Variants in PPP2R5C observed in about 807,000 individuals in gnomAD.
PPP2R5C encodes protein phosphatase 2 regulatory subunit B'gamma.
In PPP2R5C, 7 loss-of-function variants were observed where a neutral mutation model predicts 68.9. The observed-to-expected ratio is 0.10, with a 90% CI of 0.06 to 0.19. PPP2R5C has a LOEUF of 0.19. PPP2R5C is among the 10% of genes least tolerant of loss of function. The pLI, the probability that PPP2R5C is intolerant of heterozygous loss-of-function variation, is 1.00. For missense variants in PPP2R5C, 348 were observed against 641.3 expected (o/e 0.54, Z 4.94); for synonymous variants, 210 against 222.2 (o/e 0.95, Z 0.49).
intron 1 of PPP2R5C, among the ~76,000 whole-genome samples, chr14:101,823,046 AAGG>A (rs905961288): frequency 2.7e-4 from 41 of 152,344 alleles, no homozygotes; most frequent in African/African-American, 9.6e-4. Flanking sequence ...TATTTGTAAA[AAGG>A]AGGAGAGCCT....
Position 101,781,405 on chromosome 14 carries a change from C to A in PPP2R5C, c.94-4613C>A, listed in dbSNP as rs1167159209. The stretch of plus-strand genomic sequence containing the variant: ...CCCCTGAGCCGCTAGGCTGCCAAGG[C>A]GCGCTGTGCGCGTGGGGCCAGGCTC... On this transcript the variant is annotated intron_variant, in intron 2 of 14. Transcript: ENST00000328724. This position sits in a 1 kb window ranked among gnomAD's most constrained non-coding sequence, Gnocchi z 6.4. 6.6e-6 allele frequency among the ~76,000 whole-genome samples: 1 copy of A among 152,174 alleles called. No homozygotes were observed. Among genetic ancestry groups the A allele is most frequent in the Non-Finnish European group, 1.5e-5 (1 of 68,002 alleles).
intron 9 of PPP2R5C, among the ~76,000 whole-genome samples, chr14:101,904,337 A>G (rs1200685612): frequency 6.6e-6 from 1 of 151,848 alleles, no homozygotes; most frequent in Non-Finnish European, 1.5e-5. Flanking sequence ...TTTAGTAGAG[A>G]CGGGATTTCA....
chr14:101,769,391 G>A (rs192350895), intron 2 of PPP2R5C, among the ~76,000 whole-genome samples: 2 of 152,174 alleles, frequency 1.3e-5, no homozygotes, highest in African/African-American at 4.8e-5. Flanking sequence ...TATATATTAG[G>A]GCCTAGAGTC....
At chr14:101,912,566 G>C in intron 12 of PPP2R5C, 93 bp downstream of exon 14, 3 of 1,404,400 alleles carry the variant, frequency 2.1e-6, no homozygotes, top group Non-Finnish European at 2.8e-6. Context: ...GGGGGGTCTC[G>C]ATTTCACTAA....
intron 9 of PPP2R5C, among the ~76,000 whole-genome samples, chr14:101,905,800 C>T (rs946904027): frequency 6.6e-6 from 1 of 152,170 alleles, no homozygotes; most frequent in Admixed American, 6.5e-5. Context: ...CAGCCAGCCC[C>T]GTGCTGACAA....
chr14:101,777,450 A>C (rs993647099), intron 2 of PPP2R5C, among the ~76,000 whole-genome samples: 9 of 151,910 alleles, frequency 5.9e-5, no homozygotes, highest in African/African-American at 1.9e-4. Flanking sequence ...CCTGGGTTCA[A>C]GCGATTCTCC....
chr14:101,925,479 G>A (rs1595574064), exon 14 of PPP2R5C: 1 of 819,404 alleles, frequency 1.2e-6, no homozygotes, highest in Non-Finnish European at 1.8e-6. Flanking sequence ...GCCGCGGGTT[G>A]ACGACGGTGT....
chr14:101,872,355 C>T (rs2043481929), intron 2 of PPP2R5C, among the ~76,000 whole-genome samples: 1 of 151,304 alleles, frequency 6.6e-6, no homozygotes, highest in African/African-American at 2.4e-5. Flanking sequence ...CCAACCCCAA[C>T]TCTGCCCCAG....
At chr14:101,811,324 G>T (rs1011913434) in intron 1 of PPP2R5C, among the ~76,000 whole-genome samples, 1 of 152,158 alleles carries the variant, frequency 6.6e-6, no homozygotes, top group Admixed American at 6.5e-5. Context: ...TAATTGTTTG[G>T]ATTTAAGTTA....
intron 13 of PPP2R5C, among the ~76,000 whole-genome samples, chr14:101,922,404 G>A (rs552442584): frequency 4.1e-4 from 62 of 151,682 alleles, no homozygotes; most frequent in Non-Finnish European, 6.5e-4. Context: ...CAGGAGAATC[G>A]CTTGAACCCA....
In PPP2R5C at chr14:101,857,758, CCA is replaced by C. The variant is rs750594307; in HGVS notation, c.294+883_294+884del. Among the ~76,000 whole-genome samples, 15 of 152,224 alleles carry C rather than the reference CCA, an allele frequency of 9.9e-5. No individual in the cohort carries two copies. In the East Asian group the frequency reaches 1.7e-3, roughly 18 times the overall value. ...TATCTGCCTTTGAAACTAGTACCCCCCACACACACACTTACTGGGGAGTCAGT... is the reference window on the plus strand; with the variant it reads ...TATCTGCCTTTGAAACTAGTACCCCCCACACACACTTACTGGGGAGTCAGT... On this transcript the variant is annotated intron_variant, in intron 2 of 13. Coordinates refer to ENST00000334743, the Ensembl canonical transcript of PPP2R5C.
chr14:101,768,402 T>G (rs2036968462), intron 2 of PPP2R5C, among the ~76,000 whole-genome samples: 1 of 152,230 alleles, frequency 6.6e-6, no homozygotes, highest in African/African-American at 2.4e-5. Flanking sequence ...GAGTTATATC[T>G]ATCTACCGAT....
chr14:101,827,507 G>A (rs2040468350), intron 1 of PPP2R5C, among the ~76,000 whole-genome samples: 1 of 152,168 alleles, frequency 6.6e-6, no homozygotes, highest in Non-Finnish European at 1.5e-5. Context: ...AATGGGCAGA[G>A]ACAACACTGA....
intron 8 of PPP2R5C, among the ~76,000 whole-genome samples, chr14:101,900,254 G>A (rs1015242264): frequency 3.9e-5 from 6 of 152,184 alleles, no homozygotes; most frequent in African/African-American, 1.4e-4. Context: ...TTACCTGGGA[G>A]CCCAAATGCC....
intron 1 of PPP2R5C, among the ~76,000 whole-genome samples, chr14:101,848,195 C>G (rs1167863451): frequency 6.6e-6 from 1 of 152,082 alleles, no homozygotes; most frequent in South Asian, 2.1e-4. Flanking sequence ...AAATTAGAAG[C>G]TTAAATTCTT....
upstream of PPP2R5C, among the ~76,000 whole-genome samples, chr14:101,806,695 C>T (rs1408891389): frequency 6.6e-6 from 1 of 152,158 alleles, no homozygotes; most frequent in Non-Finnish European, 1.5e-5. Flanking sequence ...CATGGTGGCT[C>T]ATGCCTGCAA....
chr14:101,816,895 TATAAATATATATATAATA>T (rs2039727494), intron 1 of PPP2R5C, among the ~76,000 whole-genome samples: 1 of 126,196 alleles, frequency 7.9e-6, no homozygotes, highest in Non-Finnish European at 1.6e-5. Context: ...ATATATATTA[TATAAATATATATATAATA>T]TATATATTTA....
At chr14:101,863,739 A>G (rs912757377) in intron 2 of PPP2R5C, among the ~76,000 whole-genome samples, 1 of 152,160 alleles carries the variant, frequency 6.6e-6, no homozygotes, top group African/African-American at 2.4e-5. Context: ...TCTACTAAAA[A>G]TACAAAAAAT....
intron 2 of PPP2R5C, among the ~76,000 whole-genome samples, chr14:101,874,060 C>T (rs1304363137): frequency 1.3e-5 from 2 of 152,208 alleles, no homozygotes; most frequent in African/African-American, 2.4e-5. Context: ...CACTTAACTC[C>T]GTCCACCCAG....
Sources: allele counts gnomAD v4.1 joint callset (sites outside exome capture counted in the v4.1 genomes callset), GRCh38; gene constraint gnomAD v4.1.1; non-coding constraint Gnocchi (gnomAD v3.1); transcripts MANE v1.5; gene names NCBI Gene and HGNC (gene_info 2026-07-23, HGNC 2026-07-21).